The following RERE variants were observed in gnomAD, a reference collection of about 807,000 sequenced individuals.
The protein encoded by RERE is arginine-glutamic acid dipeptide repeats protein.
A neutral mutation model predicts 146.1 loss-of-function variants in RERE; 40 were observed. That is an observed-to-expected ratio of 0.27 (90% CI 0.21 to 0.36). The LOEUF (loss-of-function observed/expected upper bound fraction) is 0.36. Among genes scored for constraint, RERE ranks in the 10% least tolerant of loss-of-function variants. RERE has a pLI of 1.00. For synonymous variants in RERE, 1,003 were observed against 866.0 expected, an observed-to-expected ratio of 1.16 and a Z score of -2.78; for missense variants, 1,933 against 2,138.7, an observed-to-expected ratio of 0.90 and a Z score of 1.90.
intron 7 of RERE, among the ~76,000 whole-genome samples, chr1:8,521,176 CAAA>C (rs36115526): frequency 4.5e-5 from 5 of 109,974 alleles, no homozygotes; most frequent in African/African-American, 1.4e-4. Context: ...TTCTTTTTTT[CAAA>C]AAAAAAAAAA....
At chr1:8,646,318 G>C (rs953240133) in intron 2 of RERE, among the ~76,000 whole-genome samples, 1 of 152,126 alleles carries the variant, frequency 6.6e-6, no homozygotes, top group Non-Finnish European at 1.5e-5. Context: ...CCTGGCTTGA[G>C]TCCAGGAGTT....
rs1452659214 is a variant in RERE at position 8,508,675 on chromosome 1, C to T, written c.831G>A (p.Arg277=). 3.7e-6 allele frequency: 6 copies of T among 1,611,866 alleles called. No homozygotes were observed. Among genetic ancestry groups the T allele is most frequent in the Admixed American group, 1.7e-5 (1 of 59,918 alleles). ...FYILGYNPET[R]RLNSTQGEIR... Reference sequence around the variant, plus strand: ...TCTCCCCCTGGGTACTGTTCAGCCTCCTGGAACAGAAATAGAGCAGATTAA... The same window carrying T: ...TCTCCCCCTGGGTACTGTTCAGCCTTCTGGAACAGAAATAGAGCAGATTAA... The change falls in exon 8 of 23, where the codon AGG becomes AGA. Residue 277 remains arginine, a splice_region_variant and synonymous_variant. Transcript: ENST00000400908.
At chr1:8,750,425 G>A in intron 1 of RERE, 1 of 786,870 alleles carries the variant, frequency 1.3e-6, no homozygotes, top group Non-Finnish European at 2.2e-6. Context: ...TTTTCCGGCT[G>A]GAACCATGGA....
chr1:8,640,763 C>A (rs1163001302), intron 2 of RERE, among the ~76,000 whole-genome samples: 1 of 152,146 alleles, frequency 6.6e-6, no homozygotes, highest in East Asian at 1.9e-4. Context: ...TTTAAGCATT[C>A]ACTTAAAAGA....
intron 4 of RERE, among the ~76,000 whole-genome samples, chr1:8,560,376 T>C (rs1399472255): frequency 6.6e-6 from 1 of 152,218 alleles, no homozygotes; most frequent in Non-Finnish European, 1.5e-5. Flanking sequence ...TTGTCCCTAG[T>C]TGAGAAATCA....
intron 12 of RERE, among the ~76,000 whole-genome samples, chr1:8,405,181 A>G (rs1643403851): frequency 6.6e-6 from 1 of 152,238 alleles, no homozygotes; most frequent in Non-Finnish European, 1.5e-5. Context: ...CGGTATGCCA[A>G]TATAATCTCT....
In RERE at chr1:8,355,140, A is replaced by G; in HGVS notation, c.4668-20T>C. The G allele has an allele frequency of 6.2e-7, 1 of 1,613,424 alleles. No individual in the cohort carries two copies. The highest frequency in any genetic ancestry group is 8.5e-7 in the Non-Finnish European group (1 of 1,179,448). On this transcript the variant is annotated intron_variant, in intron 22 of 22. Transcript: ENST00000400908. ...AGTCGACTGGAAAGACAAAACAGGA[A>G]AGCGTATTTAGTCTCAGGCCTAGGC...
intron 11 of RERE, among the ~76,000 whole-genome samples, chr1:8,445,565 G>A (rs1032406598): frequency 3.3e-5 from 5 of 152,152 alleles, no homozygotes; most frequent in African/African-American, 9.7e-5. Context: ...CCCAGTGGTT[G>A]AAGACAATAA....
chr1:8,761,427 C>T (rs1640753726), intron 1 of RERE, among the ~76,000 whole-genome samples: 1 of 152,164 alleles, frequency 6.6e-6, no homozygotes, highest in East Asian at 1.9e-4. Flanking sequence ...TTATTAGCAT[C>T]TTCTTCCTCA....
intron 1 of RERE, among the ~76,000 whole-genome samples, chr1:8,680,186 T>G (rs1404678785): frequency 2.6e-5 from 4 of 152,140 alleles, no homozygotes; most frequent in African/African-American, 9.7e-5. Context: ...AAAAACCTGT[T>G]CAGTGATTAT....
At chr1:8,514,349 G>A (rs1388476900) in intron 7 of RERE, among the ~76,000 whole-genome samples, 5 of 152,172 alleles carry the variant, frequency 3.3e-5, no homozygotes, top group Admixed American at 6.5e-5. Context: ...ATGTCTCGAC[G>A]GAACCAAGGC....
chr1:8,361,052 G>A lies in RERE; in HGVS notation c.2455C>T (p.His819Tyr), dbSNP rs938520089. 1.3e-5 allele frequency: 19 copies of A among 1,437,540 alleles called. No homozygotes were observed. The Admixed American group carries it at 3.8e-4, about 28-fold the overall frequency. The allele number at this position is 1,437,540 out of a possible 1,614,324, so 89.0% of individuals were successfully genotyped here. A position where few individuals can be genotyped will look rare whatever the true frequency, so the allele number is the denominator to read the frequency against. The change falls in exon 18 of 23, where the codon CAT (histidine) becomes TAT (tyrosine). Residue 819 changes from histidine to tyrosine, a missense_variant. By Grantham distance (83) the His-to-Tyr change is moderately conservative. Around this residue, in one of 11 missense-constraint regions of RERE, gnomAD observed 1,255 missense variants for 1,153.8 expected, o/e 1.09. Coordinates refer to ENST00000400908, the MANE Select transcript of RERE (RefSeq NM_001042681.2). ...TGCAGCGGGGGATGTGGCGAGGGATGCGGCGGGGGATGCGGTGAGGGCGGC... is the reference window on the plus strand; with the variant it reads ...TGCAGCGGGGGATGTGGCGAGGGATACGGCGGGGGATGCGGTGAGGGCGGC... ...QRPPSPHPPP[H>Y]PSPHPPLQPL...
At chr1:8,358,091 C>T in intron 20 of RERE, 105 bp downstream of exon 20, 1 of 1,491,638 alleles carries the variant, frequency 6.7e-7, no homozygotes, top group East Asian at 2.3e-5. Context: ...GATGAGGGAT[C>T]TGTTCAGAAA....
intron 1 of RERE, among the ~76,000 whole-genome samples, chr1:8,798,049 A>C (rs1641510664): frequency 6.6e-6 from 1 of 152,218 alleles, no homozygotes; most frequent in Non-Finnish European, 1.5e-5. Context: ...GATTGAGGCC[A>C]GGAGTTTGAA....
At chr1:8,807,949 T>C (rs1557555339) in intron 1 of RERE, among the ~76,000 whole-genome samples, 1 of 152,094 alleles carries the variant, frequency 6.6e-6, no homozygotes, top group Admixed American at 6.6e-5. Context: ...AAGTAATACT[T>C]CTAATTTCCT....
At chr1:8,449,894 A>G (rs561530269) in intron 11 of RERE, among the ~76,000 whole-genome samples, 40 of 152,292 alleles carry the variant, frequency 2.6e-4, no homozygotes, top group African/African-American at 8.7e-4. Context: ...GAATAGTAAC[A>G]TGGAATGAGA....
At chr1:8,728,367 GCACC>G (rs1640013208) in intron 1 of RERE, among the ~76,000 whole-genome samples, 1 of 151,822 alleles carries the variant, frequency 6.6e-6, no homozygotes, top group Non-Finnish European at 1.5e-5. Context: ...GCTTTACCAT[GCACC>G]ACTGGTAGTA....
chr1:8,404,135 T>G (rs181964423), intron 12 of RERE, among the ~76,000 whole-genome samples: 1 of 151,792 alleles, frequency 6.6e-6, no homozygotes, highest in African/African-American at 2.4e-5. Context: ...AGCTTTTTTT[T>G]AAAAAAAATA....
intron 2 of RERE, among the ~76,000 whole-genome samples, chr1:8,645,176 T>C (rs983339984): frequency 6.6e-6 from 1 of 152,190 alleles, no homozygotes; most frequent in African/African-American, 2.4e-5. Context: ...AAACTGGTTG[T>C]CACCCATGTT....
Sources: allele counts gnomAD v4.1 joint callset (sites outside exome capture counted in the v4.1 genomes callset), GRCh38; gene constraint gnomAD v4.1.1; regional missense constraint gnomAD v4.1.1; transcripts MANE v1.5; gene names NCBI Gene and HGNC (gene_info 2026-07-23, HGNC 2026-07-21).